The following CCDC157 variants were observed in gnomAD, a reference collection of about 807,000 sequenced individuals.
The protein encoded by CCDC157 is coiled-coil domain-containing protein 157.
A neutral mutation model predicts 70.9 loss-of-function variants in CCDC157; 60 were observed. The ratio of observed to expected loss-of-function variants is 0.85; its 90% CI spans 0.69 to 1.05. CCDC157 has a LOEUF of 1.05. Ranked by LOEUF, CCDC157 falls within the 50% of genes least tolerant of loss-of-function variation. The pLI, the probability that CCDC157 is intolerant of heterozygous loss-of-function variation, is 0.00. For missense variants in CCDC157, 943 were observed against 984.2 expected (o/e 0.96, Z 0.56); for synonymous variants, 373 against 422.4 (o/e 0.88, Z 1.43).
chr22:30,358,353 A>G (rs1400161578), intron 1 of CCDC157, among the ~76,000 whole-genome samples: 1 of 152,238 alleles, frequency 6.6e-6, no homozygotes, highest in Non-Finnish European at 1.5e-5. Context: ...ATAGCAACCT[A>G]TTTACAAATG....
chr22:30,371,873 T>C (rs1389888076), intron 6 of CCDC157, 146 bp downstream of exon 6: 18 of 803,854 alleles, frequency 2.2e-5, no homozygotes, highest in African/African-American at 5.2e-5. Flanking sequence ...AACCACACTA[T>C]TGGCGATGAC....
At chr22:30,365,797 TGA>T in intron 2 of CCDC157, 191 bp from the exon 3 acceptor site, 1 of 605,816 alleles carries the variant, frequency 1.7e-6, no homozygotes, top group Non-Finnish European at 2.9e-6. Flanking sequence ...GTAGGGGAAC[TGA>T]GAGGCTGGTA....
Position 30,369,554 on chromosome 22 carries a change from G to A in CCDC157, c.371G>A (p.Trp124Ter), listed in dbSNP as rs764451155. Residue 124 changes from tryptophan (W) to a stop codon, truncating the protein, a stop_gained, in exon 4 of 12, where the codon TGG (tryptophan) becomes TAG (stop). Transcript: ENST00000338306. LOFTEE classifies it high-confidence loss of function. ...GTGGGGCTCACGGTGCGGCGCTTCTGGGACAGCCTGCTGAGGCTGGGCACG... is the reference window on the plus strand; with the variant it reads ...GTGGGGCTCACGGTGCGGCGCTTCTAGGACAGCCTGCTGAGGCTGGGCACG... ...MSVGLTVRRF[W>*]DSLLRLGTLH... is the part of the protein sequence containing the mutation. 20 of 1,600,556 alleles carry A rather than the reference G, an allele frequency of 1.2e-5. No homozygotes were observed. In the Admixed American group the frequency reaches 3.4e-4, roughly 27 times the overall value.
Position 30,374,068 on chromosome 22 carries a change from G to A in CCDC157, c.1649G>A (p.Arg550Lys). 1 of 1,593,700 alleles carries A rather than the reference G, an allele frequency of 6.3e-7. No homozygotes were observed. Among genetic ancestry groups the A allele is most frequent in the Non-Finnish European group, 8.5e-7 (1 of 1,171,802 alleles). Reference sequence around the variant, plus strand: ...CTGGTGGCCTTCCCAGACCTGCACAGGCCCACCGAGACCCAGATCCATGGT... The same window carrying A: ...CTGGTGGCCTTCCCAGACCTGCACAAGCCCACCGAGACCCAGATCCATGGT... ...RLLVAFPDLH[R>K]PTETQIHGGR... The change falls in exon 9 of 12, where the codon AGG becomes AAG. Residue 550 changes from arginine (R) to lysine (K), a missense_variant. By Grantham distance (26) the Arg-to-Lys change is conservative. Transcript: ENST00000338306.
Position 30,370,756 on chromosome 22 carries a change from C to T in CCDC157, c.851C>T (p.Thr284Met), listed in dbSNP as rs748207336. The T allele has an allele frequency of 9.9e-6, 16 of 1,613,582 alleles. No homozygotes were observed. Among genetic ancestry groups the T allele is most frequent in the South Asian group, 3.3e-5 (3 of 91,070 alleles). Reference protein sequence around the residue: ...RWAAEQRKDLTRLSKHVEALR... With the variant: ...RWAAEQRKDLMRLSKHVEALR... ...GCAGCAGAGCAGAGGAAAGACCTGA[C>T]GCGCCTCAGTAAGCATGTGGAGGCC... is the stretch of plus-strand genomic sequence containing the variant. Residue 284 changes from threonine to methionine, a missense_variant, in exon 5 of 12, where the codon ACG becomes ATG. By Grantham distance (81) the Thr-to-Met change is moderately conservative. Coordinates refer to ENST00000338306, the MANE Select transcript of CCDC157 (RefSeq NM_001017437.5).
At chr22:30,359,278 C>T (rs1172268572) in intron 1 of CCDC157, among the ~76,000 whole-genome samples, 1 of 152,234 alleles carries the variant, frequency 6.6e-6, no homozygotes, top group East Asian at 1.9e-4. Flanking sequence ...CATAAAATCT[C>T]TTGGGCAGCA....
rs752800792 is a variant in CCDC157 at position 30,376,557 on chromosome 22, C to T, written c.2071C>T (p.Arg691Trp). The change falls in exon 12 of 12, where the codon CGG (arginine) becomes TGG (tryptophan). Residue 691 changes from arginine (R) to tryptophan (W), a missense_variant. By Grantham distance (101) the Arg-to-Trp change is moderately radical. Transcript: ENST00000338306. ...TCGGCAGCCCTGCACATCCCCACCT[C>T]GGCAGCCCTGCACATCCCCATCTCG... ...PPRQPCTSPPRQPCTSPSRQP... is the reference protein window; with the variant it reads ...PPRQPCTSPPWQPCTSPSRQP... 2.5e-6 allele frequency: 4 copies of T among 1,612,986 alleles called. No individual in the cohort carries two copies. The highest frequency in any genetic ancestry group is 2.2e-5 in the East Asian group (1 of 44,832).
rs764829421 is a variant in CCDC157 at position 30,376,455 on chromosome 22, C to T, written c.1969C>T (p.Pro657Ser). Residue 657 changes from proline to serine, a missense_variant, in exon 12 of 12, where the codon CCT (proline) becomes TCT (serine). By Grantham distance (74) the Pro-to-Ser change is moderately conservative (BLOSUM62 -1). Coordinates refer to ENST00000338306, the MANE Select transcript of CCDC157 (RefSeq NM_001017437.5). ...SPGPLGRQHL[P>S]SSRTGRTLLG... is the part of the protein sequence containing the mutation. The stretch of plus-strand genomic sequence containing the variant: ...CAGGCCTCTGGGCAGACAGCACCTT[C>T]CTAGCAGCAGGACGGGTAGGACCCT... 1.2e-6 allele frequency: 2 copies of T among 1,613,958 alleles called. No homozygotes were observed. The highest frequency in any genetic ancestry group is 1.7e-6 in the Non-Finnish European group (2 of 1,179,946).
chr22:30,363,683 CTTT>C (rs55722661), intron 2 of CCDC157, among the ~76,000 whole-genome samples: 24,134 of 114,640 alleles, frequency 0.21, 2,626 homozygotes, highest in Middle Eastern at 0.33. Flanking sequence ...GAATGTTTCT[CTTT>C]TTTTTTTTTT....
Position 30,375,690 on chromosome 22 carries a change from G to A in CCDC157, c.1857+27G>A, listed in dbSNP as rs747477140. On this transcript the variant is annotated intron_variant, in intron 10 of 11. Transcript: ENST00000338306. Reference sequence around the variant, plus strand: ...TGGGCCTGAGAGGGCGGGCCCTTGGGGACCAGGAGGAAGCCCCTATCCAGC... The same window carrying A: ...TGGGCCTGAGAGGGCGGGCCCTTGGAGACCAGGAGGAAGCCCCTATCCAGC... 1.9e-6 allele frequency: 3 copies of A among 1,582,084 alleles called. No homozygotes were observed. The East Asian group carries it at 6.8e-5, about 36-fold the overall frequency.
intron 9 of CCDC157, chr22:30,374,780 G>A (rs1159704261): frequency 2.2e-6 from 1 of 455,362 alleles, no homozygotes; most frequent in Non-Finnish European, 4.4e-6. Flanking sequence ...GGCTCCTGGA[G>A]CCAGAAGGAA....
Position 30,366,123 on chromosome 22 carries a change from G to A in CCDC157, c.123G>A (p.Lys41=). 1 of 1,613,530 alleles carries A rather than the reference G, an allele frequency of 6.2e-7. No homozygotes were observed. Residue 41 remains lysine (K), a synonymous_variant, in exon 3 of 12, where the codon AAG becomes AAA. Transcript: ENST00000338306. The part of the protein sequence containing the change: ...RAGPVRFPSW[K]FPDRMACDLD... The stretch of plus-strand genomic sequence containing the variant: ...GGCCTGTGCGCTTCCCCTCCTGGAA[G>A]TTCCCTGACCGCATGGCCTGTGACC...
chr22:30,366,140 C>T lies in CCDC157; in HGVS notation c.140C>T (p.Ala47Val). ...FPSWKFPDRM[A>V]CDLDMVALLE... ...TCCTGGAAGTTCCCTGACCGCATGG[C>T]CTGTGACCTCGACATGGTGGCCCTG... Residue 47 changes from alanine to valine, a missense_variant, in exon 3 of 12, where the codon GCC (alanine) becomes GTC (valine). Transcript: ENST00000338306. 1 of 1,613,760 alleles carries T rather than the reference C, an allele frequency of 6.2e-7. No individual in the cohort carries two copies. The highest frequency in any genetic ancestry group is 8.5e-7 in the Non-Finnish European group (1 of 1,180,026).
At chr22:30,366,889 C>T (rs1932760966) in intron 3 of CCDC157, 1 of 154,106 alleles carries the variant, frequency 6.5e-6, no homozygotes, top group African/African-American at 2.4e-5. Context: ...GAAACCCTGT[C>T]TCTACTAAAA....
In CCDC157 at chr22:30,374,938, T is replaced by C. The variant is rs73406450; in HGVS notation, c.1673-541T>C. ...TTGTCAGAGATTCACTCTCCTCTCA[T>C]GCTTATTTGCTAAGTCTTTTTTTTT... On this transcript the variant is annotated intron_variant, in intron 9 of 11. Transcript: ENST00000338306. 1,149 of 332,628 alleles carry C rather than the reference T, an allele frequency of 3.5e-3. 14 individuals carry two copies. The highest frequency in any genetic ancestry group is 0.023 in the African/African-American group (1,031 of 44,958). 20.6% of individuals were successfully genotyped at this position (332,628 alleles called of 1,614,324 possible).
At chr22:30,371,496 C>T (rs867564668) in intron 5 of CCDC157, 154 bp from the exon 6 acceptor site, 8 of 638,676 alleles carry the variant, frequency 1.3e-5, no homozygotes, top group Admixed American at 2.7e-5. Context: ...AGGGCCCAGC[C>T]GCTTCCACCA....
At chr22:30,357,747 C>A (rs867671130) in intron 1 of CCDC157, among the ~76,000 whole-genome samples, 1 of 151,462 alleles carries the variant, frequency 6.6e-6, no homozygotes, top group African/African-American at 2.4e-5. Flanking sequence ...GAACTCCTGA[C>A]CTCAAATGAT....
chr22:30,360,090 G>A (rs1222000421), intron 1 of CCDC157, among the ~76,000 whole-genome samples: 2 of 152,210 alleles, frequency 1.3e-5, no homozygotes, highest in East Asian at 3.8e-4. Flanking sequence ...GTTACAATGA[G>A]CTATGACAGC....
At position 30,370,430 on chromosome 22, in the gene CCDC157, C is replaced by G; in HGVS notation, c.525C>G (p.Ser175=). ...YLTTKLIKPS[S]PVLGLPQTCQ... ...CTACCAAGTTAATCAAGCCCTCCTCCCCAGTGCTAGGCTTGCCCCAGACCT... is the reference window on the plus strand; with the variant it reads ...CTACCAAGTTAATCAAGCCCTCCTCGCCAGTGCTAGGCTTGCCCCAGACCT... The change falls in exon 5 of 12, where the codon TCC becomes TCG. Residue 175 remains serine, a synonymous_variant. Transcript: ENST00000338306. 1 of 1,614,170 alleles carries G rather than the reference C, an allele frequency of 6.2e-7. No individual in the cohort carries two copies. The highest frequency in any genetic ancestry group is 8.5e-7 in the Non-Finnish European group (1 of 1,180,040).
Sources: gnomAD v4.1 joint callset for allele counts (sites outside exome capture counted in the v4.1 genomes callset) on GRCh38, gnomAD v4.1.1 for gene constraint, MANE v1.5 for transcripts, NCBI Gene and HGNC (gene_info 2026-07-23, HGNC 2026-07-21) for gene names.